Variants in NAALADL2 observed in about 807,000 individuals in gnomAD.
NAALADL2 encodes the protein N-acetylated alpha-linked acidic dipeptidase like 2.
In NAALADL2, 76 loss-of-function variants were observed where a neutral mutation model predicts 87.2. That is an observed-to-expected ratio of 0.87 (90% confidence interval 0.72 to 1.05). The LOEUF (loss-of-function observed/expected upper bound fraction) is 1.05, where lower values mean the gene tolerates loss of function less well. NAALADL2 is among the 50% of genes least tolerant of loss of function. NAALADL2 has a pLI of 0.00. For missense variants in NAALADL2, 1,089 were observed against 945.8 expected (o/e 1.15, Z -1.99); for synonymous variants, 354 against 331.0 (o/e 1.07, Z -0.75).
At chr3:175,203,272 C>T (rs565734982) in intron 2 of NAALADL2, among the ~76,000 whole-genome samples, 1 of 152,154 alleles carries the variant, frequency 6.6e-6, no homozygotes, top group Non-Finnish European at 1.5e-5. Flanking sequence ...TGATTCCAGG[C>T]AGGAATGGCC....
At chr3:175,620,481 C>T (rs528005197) in intron 10 of NAALADL2, among the ~76,000 whole-genome samples, 108 of 152,278 alleles carry the variant, frequency 7.1e-4, no homozygotes, top group Non-Finnish European at 1.1e-3. Flanking sequence ...CCCGGGGTCT[C>T]GGCCCCCAGA....
intron 1 of NAALADL2, among the ~76,000 whole-genome samples, chr3:174,909,927 A>C (rs952125447): frequency 4.6e-5 from 7 of 152,146 alleles, no homozygotes; most frequent in Non-Finnish European, 1.0e-4. Flanking sequence ...ACACAAGTTA[A>C]GTATTAGAAG....
intron 1 of NAALADL2, among the ~76,000 whole-genome samples, chr3:175,084,548 C>G (rs995058132): frequency 6.6e-6 from 1 of 152,066 alleles, no homozygotes; most frequent in African/African-American, 2.4e-5. Context: ...CATAAGACAC[C>G]TCAGCATATA....
intron 2 of NAALADL2, among the ~76,000 whole-genome samples, chr3:175,134,346 T>C (rs1728747026): frequency 6.6e-6 from 1 of 152,222 alleles, no homozygotes; most frequent in Admixed American, 6.5e-5. Context: ...CACGTTTCTA[T>C]TGTATCTCCT....
chr3:175,694,419 AAAC>A (rs1362140739), intron 11 of NAALADL2, among the ~76,000 whole-genome samples: 4 of 152,220 alleles, frequency 2.6e-5, no homozygotes, highest in Non-Finnish European at 4.4e-5. Context: ...CTGAGTATAT[AAAC>A]AACATGTTCT....
At chr3:175,488,685 G>T (rs1727646489) in intron 9 of NAALADL2, among the ~76,000 whole-genome samples, 2 of 152,116 alleles carry the variant, frequency 1.3e-5, no homozygotes, top group South Asian at 4.1e-4. Flanking sequence ...TTGTGCTAAG[G>T]CCATACTTCA....
intron 2 of NAALADL2, among the ~76,000 whole-genome samples, chr3:175,139,634 G>T (rs1580661481): frequency 1.3e-5 from 2 of 151,736 alleles, no homozygotes; most frequent in East Asian, 3.9e-4. Context: ...TTCTAACCTA[G>T]CTCATTCTTT....
chr3:174,731,949 A>G (rs1346009079), intron 2 of NAALADL2, among the ~76,000 whole-genome samples: 1 of 152,178 alleles, frequency 6.6e-6, no homozygotes. Flanking sequence ...AATGGTCTCA[A>G]CTGATTGTTA....
At chr3:174,883,327 C>T (rs1020421160) in intron 1 of NAALADL2, among the ~76,000 whole-genome samples, 2 of 152,054 alleles carry the variant, frequency 1.3e-5, no homozygotes, top group Non-Finnish European at 2.9e-5. Context: ...CATCACAAGT[C>T]CACCGCTTGT....
intron 1 of NAALADL2, among the ~76,000 whole-genome samples, chr3:174,867,455 T>C (rs868033292): frequency 2.6e-5 from 4 of 152,142 alleles, no homozygotes; most frequent in Middle Eastern, 3.4e-3. Context: ...ATTTTCCTTT[T>C]TTGGTATATT....
At chr3:174,468,919 T>C (rs923394497) in intron 1 of NAALADL2, among the ~76,000 whole-genome samples, 20 of 150,972 alleles carry the variant, frequency 1.3e-4, no homozygotes, top group Admixed American at 1.1e-3. Context: ...CCCACCACCA[T>C]GCCTGGCTAA....
At chr3:174,461,452 G>A (rs1438605405) in intron 1 of NAALADL2, among the ~76,000 whole-genome samples, 1 of 130,100 alleles carries the variant, frequency 7.7e-6, no homozygotes, top group Non-Finnish European at 1.6e-5. Flanking sequence ...GGAACAAAAT[G>A]CTTGCACCTT....
chr3:175,260,907 T>A (rs559688422), intron 4 of NAALADL2, among the ~76,000 whole-genome samples: 59 of 152,272 alleles, frequency 3.9e-4, no homozygotes, highest in African/African-American at 1.3e-3. Context: ...TAAGAATGTA[T>A]GTAATTTAAT....
intron 2 of NAALADL2, among the ~76,000 whole-genome samples, chr3:175,119,924 G>C (rs1725902468): frequency 6.9e-6 from 1 of 144,850 alleles, no homozygotes; most frequent in Admixed American, 7.0e-5. Context: ...ACAGCATGGA[G>C]GATGAATTAT....
intron 13 of NAALADL2, among the ~76,000 whole-genome samples, chr3:175,777,459 C>T (rs1437725798): frequency 1.3e-5 from 2 of 152,004 alleles, no homozygotes; most frequent in African/African-American, 4.8e-5. Flanking sequence ...GAAGCCTATA[C>T]TAAATGTTCA....
upstream of NAALADL2, among the ~76,000 whole-genome samples, chr3:174,855,115 A>G (rs1725708431): frequency 6.6e-6 from 1 of 152,132 alleles, no homozygotes; most frequent in African/African-American, 2.4e-5. Flanking sequence ...CTAGGATTAC[A>G]GGCGTGAGTC....
chr3:174,584,915 T>A (rs1453420423), intron 2 of NAALADL2, among the ~76,000 whole-genome samples: 4 of 152,178 alleles, frequency 2.6e-5, no homozygotes, highest in Non-Finnish European at 2.9e-5. Flanking sequence ...GATTTTGGTT[T>A]TGCACTTATC....
intron 5 of NAALADL2, among the ~76,000 whole-genome samples, chr3:175,337,381 C>G (rs891445428): frequency 1.3e-5 from 2 of 152,064 alleles, no homozygotes; most frequent in Non-Finnish European, 2.9e-5. Flanking sequence ...TCAGTAAACT[C>G]TAGCCCCTCA....
intron 2 of NAALADL2, among the ~76,000 whole-genome samples, chr3:175,185,430 G>A (rs575371940): frequency 6.6e-6 from 1 of 152,052 alleles, no homozygotes; most frequent in South Asian, 2.1e-4. Context: ...TGAAGAAAAT[G>A]TATGAAGTAG....
Sources: allele counts gnomAD v4.1 joint callset (sites outside exome capture counted in the v4.1 genomes callset), GRCh38; gene constraint gnomAD v4.1.1; transcripts MANE v1.5; gene names NCBI Gene and HGNC (gene_info 2026-07-23, HGNC 2026-07-21).